The following ZDHHC6 variants were observed in gnomAD, a reference collection of about 807,000 sequenced individuals.
ZDHHC6 encodes the protein palmitoyltransferase ZDHHC6.
In ZDHHC6, 32 loss-of-function variants were observed where a neutral mutation model predicts 57.8. That is an observed-to-expected ratio of 0.55 (90% CI 0.42 to 0.74). The LOEUF (loss-of-function observed/expected upper bound fraction) is 0.74, where lower values mean the gene tolerates loss of function less well. Among genes scored for constraint, ZDHHC6 ranks in the 30% least tolerant of loss-of-function variants. The probability of loss-of-function intolerance (pLI) is 0.00; values close to 1 mark genes in which losing one functional copy is unlikely to be tolerated. For missense variants in ZDHHC6, 433 were observed against 500.7 expected (o/e 0.86, Z 1.29); for synonymous variants, 128 against 158.0 (o/e 0.81, Z 1.42).
In ZDHHC6 at chr10:112,432,293, T is replaced by C; in HGVS notation, c.1092-7A>G. ...GTCTCCATATAACCAGTATCTGAAA[T>C]ATTTAAAAGATGAAAATTAATTTTT... On this transcript the variant is annotated splice_polypyrimidine_tract_variant and splice_region_variant and intron_variant, in intron 9 of 10. Coordinates refer to ENST00000369405, the MANE Select transcript of ZDHHC6 (RefSeq NM_022494.3). 6 of 1,607,416 alleles carry C rather than the reference T, an allele frequency of 3.7e-6. No homozygotes were observed. Among genetic ancestry groups the C allele is most frequent in the Non-Finnish European group, 5.1e-6 (6 of 1,178,260 alleles).
chr10:112,429,846 C>A (rs947251794), downstream of ZDHHC6, among the ~76,000 whole-genome samples: 2 of 152,092 alleles, frequency 1.3e-5, no homozygotes, highest in African/African-American at 4.8e-5. Flanking sequence ...GGCGGCAGGG[C>A]GCTGGTGTCA....
upstream of ZDHHC6, chr10:112,447,228 G>A (rs1273707984): frequency 2.8e-6 from 2 of 721,678 alleles, no homozygotes; most frequent in Non-Finnish European, 4.3e-6. Context: ...CAACCAGGAA[G>A]CGGCTGGGTT....
chr10:112,434,650 A>G (rs533995161), intron 6 of ZDHHC6, among the ~76,000 whole-genome samples, 186 bp from the exon 7 acceptor site: 7 of 152,340 alleles, frequency 4.6e-5, no homozygotes, highest in Admixed American at 3.9e-4. Context: ...TTGATATAGA[A>G]CACCAGCCTT....
In ZDHHC6 at chr10:112,432,365, C is replaced by T; in HGVS notation, c.1091+11G>A. 1.2e-6 allele frequency: 2 copies of T among 1,613,678 alleles called. No homozygotes were observed. The highest frequency in any genetic ancestry group is 1.7e-6 in the Non-Finnish European group (2 of 1,179,904). On this transcript the variant is annotated intron_variant, in intron 9 of 10. Coordinates refer to ENST00000369405, the MANE Select transcript of ZDHHC6 (RefSeq NM_022494.3). Reference sequence around the variant, plus strand: ...CCTTGAAGAAGAAATGCAGTACTTCCTATTACTTACCGTAAACCTCTTGTG... The same window carrying T: ...CCTTGAAGAAGAAATGCAGTACTTCTTATTACTTACCGTAAACCTCTTGTG...
At position 112,433,229 on chromosome 10, in the gene ZDHHC6, G is replaced by C. The variant is rs772060043; in HGVS notation, c.945+11C>G. 8 of 1,574,944 alleles carry C rather than the reference G, an allele frequency of 5.1e-6. No individual in the cohort carries two copies. Among genetic ancestry groups the C allele is most frequent in the Non-Finnish European group, 5.2e-6 (6 of 1,164,838 alleles). On this transcript the variant is annotated intron_variant, in intron 8 of 10. Transcript: ENST00000369405. ...AGAAAAAAAAATTACCACTGCAAAA[G>C]AAGTACTTACACTTCTGACTCTCTT...
chr10:112,439,275 A>G (rs1001236926), intron 5 of ZDHHC6, among the ~76,000 whole-genome samples: 7 of 152,158 alleles, frequency 4.6e-5, no homozygotes, highest in African/African-American at 1.7e-4. Flanking sequence ...CTAGCATAAT[A>G]CCTGGCCCAC....
chr10:112,447,283 C>T (rs1231804345), upstream of ZDHHC6: 11 of 1,416,614 alleles, frequency 7.8e-6, no homozygotes, highest in East Asian at 1.3e-4. Context: ...GGGCACCTTC[C>T]GGGGTTCCTA....
intron 4 of ZDHHC6, among the ~76,000 whole-genome samples, chr10:112,441,830 C>G (rs1846143051): frequency 6.6e-6 from 1 of 152,200 alleles, no homozygotes; most frequent in Non-Finnish European, 1.5e-5. Context: ...CAGAAATGAA[C>G]AAAGAACTAC....
chr10:112,426,557 A>G (rs778735514), downstream of ZDHHC6: 83 of 618,646 alleles, frequency 1.3e-4, no homozygotes, highest in Non-Finnish European at 2.1e-4. Context: ...CATTGTGGGA[A>G]AAGATTGGGA....
At chr10:112,426,221 C>G (rs370229359), downstream of ZDHHC6, 2 of 1,551,358 alleles carry the variant, frequency 1.3e-6, no homozygotes, top group African/African-American at 1.4e-5. Flanking sequence ...TACATAACTT[C>G]TCTCATGCCC....
At chr10:112,427,796 A>G (rs920384960), downstream of ZDHHC6, 1 of 153,104 alleles carries the variant, frequency 6.5e-6, no homozygotes, top group East Asian at 1.9e-4. Context: ...GAGATTTTTA[A>G]ATTCTGAAAA....
chr10:112,426,405 G>A (rs368339317), downstream of ZDHHC6: 46 of 1,519,760 alleles, frequency 3.0e-5, no homozygotes, highest in African/African-American at 2.5e-4. Context: ...TGGGCCCATC[G>A]TGGAGGAGAG....
chr10:112,437,885 G>A (rs148018541), intron 6 of ZDHHC6, among the ~76,000 whole-genome samples: 66 of 152,328 alleles, frequency 4.3e-4, no homozygotes, highest in Admixed American at 6.5e-4. Context: ...TGTGTTTCAT[G>A]CTAGAATCAC....
rs766451212 is a variant in ZDHHC6, at chr10:112,440,505, T to C, written c.681+29A>G. 15 of 1,602,798 alleles carry C rather than the reference T, an allele frequency of 9.4e-6. No individual in the cohort carries two copies. The African/African-American group carries it at 1.6e-4, about 17-fold the overall frequency. On this transcript the variant is annotated intron_variant, in intron 5 of 10. Transcript: ENST00000369405. ...GCAATCAGTCCCAACAACTTGACAC[T>C]TTTGACTTGAGGTAATTGAGATGCT...
chr10:112,426,278 G>A, downstream of ZDHHC6: 1 of 1,614,114 alleles, frequency 6.2e-7, no homozygotes, highest in Non-Finnish European at 8.5e-7. Flanking sequence ...TAGGAGTGGT[G>A]GTTCCTGACA....
chr10:112,437,462 C>T (rs965256805), intron 6 of ZDHHC6, among the ~76,000 whole-genome samples: 17 of 152,102 alleles, frequency 1.1e-4, no homozygotes, highest in East Asian at 1.9e-4. Context: ...CAATGTAATA[C>T]GGAAGAACAT....
At chr10:112,425,188 C>A in exon 12 of ZDHHC6, 1 of 653,988 alleles carries the variant, frequency 1.5e-6, no homozygotes, top group Non-Finnish European at 2.5e-6. Flanking sequence ...TCCCCTTTCA[C>A]CAAAGCCAAG....
At chr10:112,440,025 A>G (rs1845955441) in intron 5 of ZDHHC6, among the ~76,000 whole-genome samples, 1 of 152,090 alleles carries the variant, frequency 6.6e-6, no homozygotes, top group African/African-American at 2.4e-5. Flanking sequence ...ACTATTATAA[A>G]ATAACATTAG....
intron 7 of ZDHHC6, 102 bp downstream of exon 7, chr10:112,434,191 ACATT>A: frequency 8.9e-7 from 1 of 1,117,540 alleles, no homozygotes; most frequent in Non-Finnish European, 1.2e-6. Flanking sequence ...CATAGTGAAA[ACATT>A]CATATTACTT....
Sources: gnomAD v4.1 joint callset for allele counts (sites outside exome capture counted in the v4.1 genomes callset) on GRCh38, gnomAD v4.1.1 for gene constraint, MANE v1.5 for transcripts, NCBI Gene and HGNC (gene_info 2026-07-23, HGNC 2026-07-21) for gene names.